NPEPL1: variants seen among roughly 807,000 people sequenced by gnomAD.
The protein encoded by NPEPL1 is aminopeptidase like 1.
NPEPL1 carries 45 observed loss-of-function variants against 52.4 expected under a neutral mutation model. The observed-to-expected ratio is 0.86, with a 90% CI of 0.68 to 1.10. The LOEUF is 1.10. Among genes scored for constraint, NPEPL1 ranks in the 50% least tolerant of loss-of-function variants. The pLI is 0.00. For synonymous variants in NPEPL1, 360 were observed against 314.7 expected (o/e 1.14, Z -1.52); for missense variants, 696 against 710.9 (o/e 0.98, Z 0.24).
chr20:58,713,420 G>C lies in NPEPL1; in HGVS notation c.1002G>C (p.Lys334Asn), dbSNP rs1233128737. 1 of 1,604,670 alleles carries C rather than the reference G, an allele frequency of 6.2e-7. No individual in the cohort carries two copies. The highest frequency in any genetic ancestry group is 1.7e-5 in the Admixed American group (1 of 58,914). ...AGCGGGGATCTCTACCATGCCCCAG[G>C]ACGGTGGAAATCAACAACACGGATG... ...PDDIHLLYSG[K>N]TVEINNTDAE... The change falls in exon 9 of 12, where the codon AAG becomes AAC. Residue 334 changes from lysine to asparagine, a missense_variant and splice_region_variant. Coordinates refer to ENST00000356091, the MANE Select transcript of NPEPL1 (RefSeq NM_024663.4). This position sits in a 1 kb window ranked among gnomAD's most constrained non-coding sequence, Gnocchi z 4.6.
chr20:58,699,106 C>T (rs2084556897), intron 4 of NPEPL1, 91 bp from the exon 5 acceptor site: 16 of 1,226,318 alleles, frequency 1.3e-5, no homozygotes, highest in South Asian at 2.6e-5. Flanking sequence ...GCACAGGCAG[C>T]GGTTCATCCC....
At chr20:58,702,735 T>TATC (rs967514291) in intron 6 of NPEPL1, among the ~76,000 whole-genome samples, 44 of 152,362 alleles carry the variant, frequency 2.9e-4, no homozygotes, top group African/African-American at 8.9e-4. Flanking sequence ...CCAAGAATAC[T>TATC]ATCTGTTAAC....
At chr20:58,693,710 G>T in intron 1 of NPEPL1, 27 bp from the exon 2 acceptor site, 1 of 1,581,300 alleles carries the variant, frequency 6.3e-7, no homozygotes, top group Non-Finnish European at 8.6e-7. Context: ...TGAAGCCTCT[G>T]TGTCTTGTCT....
chr20:58,701,040 C>T lies in NPEPL1; in HGVS notation c.704C>T (p.Ala235Val), dbSNP rs1210692706. The change falls in exon 6 of 12, where the codon GCC (alanine) becomes GTC (valine). Residue 235 changes from alanine to valine, a missense_variant. Coordinates refer to ENST00000356091, the MANE Select transcript of NPEPL1 (RefSeq NM_024663.4). Reference sequence around the variant, plus strand: ...GGAATCTATGGGGTTGGCAAAGCCGCCCTGCATCCCCCAGCCCTGGCCGTC... The same window carrying T: ...GGAATCTATGGGGTTGGCAAAGCCGTCCTGCATCCCCCAGCCCTGGCCGTC... ...FGGIYGVGKA[A>V]LHPPALAVLS... 6.3e-7 allele frequency: 1 copy of T among 1,593,636 alleles called. No individual in the cohort carries two copies. The highest frequency in any genetic ancestry group is 1.7e-5 in the Admixed American group (1 of 57,756).
chr20:58,693,694 G>A (rs759441154), intron 1 of NPEPL1, 43 bp from the exon 2 acceptor site: 3 of 1,546,594 alleles, frequency 1.9e-6, no homozygotes, highest in South Asian at 2.4e-5. Context: ...GCACGTGGCC[G>A]CTGTTTGAAG....
rs763655132 is a variant in NPEPL1 at position 58,699,288 on chromosome 20, G to A, written c.679+10G>A. 29 of 1,598,968 alleles carry A rather than the reference G, an allele frequency of 1.8e-5. No homozygotes were observed. Among genetic ancestry groups the A allele is most frequent in the Admixed American group, 3.4e-5 (2 of 58,256 alleles). ...ACGAGAGGATTTGGAGGTGGGTGGG[G>A]GCTGCATCCCTGCAGCTCTTGGCCT... is the stretch of plus-strand genomic sequence containing the variant. On this transcript the variant is annotated intron_variant, in intron 5 of 11. Coordinates refer to ENST00000356091, the MANE Select transcript of NPEPL1 (RefSeq NM_024663.4).
chr20:58,699,373 C>G (rs916663140), intron 5 of NPEPL1, 95 bp downstream of exon 5: 2 of 908,716 alleles, frequency 2.2e-6, no homozygotes, highest in African/African-American at 3.3e-5. Flanking sequence ...GGCACATTGT[C>G]CCAAACTTCA....
rs1259804167 is a variant in NPEPL1, at chr20:58,713,938, C to A, written c.1147C>A (p.His383Asn). Residue 383 changes from histidine (H) to asparagine (N), a missense_variant, in exon 10 of 12, where the codon CAC (histidine) becomes AAC (asparagine). Transcript: ENST00000356091. The surrounding 1 kb of genome is among the most constrained non-coding windows in gnomAD (Gnocchi z 4.6). ...CCAGGGCATTGCCACAGGGAAGTAC[C>A]ACGCCGCGGTGCTCACCAACAGCGC... ...GAQGIATGKYHAAVLTNSAEW... is the reference protein window; with the variant it reads ...GAQGIATGKYNAAVLTNSAEW... The A allele has an allele frequency of 6.7e-7, 1 of 1,495,468 alleles. No homozygotes were observed. Among genetic ancestry groups the A allele is most frequent in the Admixed American group, 2.6e-5 (1 of 37,818 alleles). The allele number at this position is 1,495,468 out of a possible 1,614,324, so 92.6% of individuals were successfully genotyped here.
intron 3 of NPEPL1, 132 bp from the exon 4 acceptor site, chr20:58,698,552 C>G: frequency 1.3e-6 from 1 of 764,440 alleles, no homozygotes; most frequent in South Asian, 1.5e-5. Context: ...TCCCCCTCTC[C>G]CCTCTCTTTG....
intron 7 of NPEPL1, among the ~76,000 whole-genome samples, chr20:58,710,244 A>G (rs2123140949): frequency 6.6e-6 from 1 of 152,122 alleles, no homozygotes; most frequent in East Asian, 1.9e-4. Context: ...CTTGTTGGCC[A>G]GGCTGGTCTT....
At position 58,707,201 on chromosome 20, in the gene NPEPL1, G is replaced by C. The variant is rs367627505; in HGVS notation, c.900+1G>C. 14 of 1,549,488 alleles carry C rather than the reference G, an allele frequency of 9.0e-6. No individual in the cohort carries two copies. The African/African-American group carries it at 1.9e-4, about 21-fold the overall frequency. ...GGCCTTCAGAGCCGCAATCAAGCAG[G>C]TGAGTGGGCCCTGCCCGCCCTCTGC... On this transcript the variant is annotated splice_donor_variant, in intron 7 of 11. Coordinates refer to ENST00000356091, the MANE Select transcript of NPEPL1 (RefSeq NM_024663.4). LOFTEE classifies it high-confidence loss of function.
chr20:58,707,405 G>A lies in NPEPL1; in HGVS notation c.900+205G>A, dbSNP rs2084759171. Among the ~76,000 whole-genome samples, 3 of 152,368 alleles carry A rather than the reference G, an allele frequency of 2.0e-5. No individual in the cohort carries two copies. The South Asian group carries it at 6.2e-4, about 32-fold the overall frequency. ...TCAGAGCTGCTCTGGGAGGCCCCGAGGGCAAGGTGCAGCCATGTTCTCTGC... is the reference window on the plus strand; with the variant it reads ...TCAGAGCTGCTCTGGGAGGCCCCGAAGGCAAGGTGCAGCCATGTTCTCTGC... On this transcript the variant is annotated intron_variant, in intron 7 of 11. Coordinates refer to ENST00000356091, the MANE Select transcript of NPEPL1 (RefSeq NM_024663.4).
At chr20:58,708,056 C>A (rs1342179882) in intron 7 of NPEPL1, among the ~76,000 whole-genome samples, 2 of 145,312 alleles carry the variant, frequency 1.4e-5, no homozygotes, top group East Asian at 1.9e-4. Flanking sequence ...TGCACTGCAG[C>A]CTGGGAGATA....
Position 58,692,869 on chromosome 20 carries a change from C to T in NPEPL1, c.-32C>T, listed in dbSNP as rs1463352017. 4.0e-6 allele frequency: 4 copies of T among 1,008,168 alleles called. No individual in the cohort carries two copies. The highest frequency in any genetic ancestry group is 4.3e-5 in the South Asian group (1 of 23,276). The allele number at this position is 1,008,168 out of a possible 1,614,324, so 62.5% of individuals were successfully genotyped here. ...GGCCGAGCGGCGGGCCGGGCCGGGCCGGGCAGGGCCGGGGCGTGGGCCGGC... is the reference window on the plus strand; with the variant it reads ...GGCCGAGCGGCGGGCCGGGCCGGGCTGGGCAGGGCCGGGGCGTGGGCCGGC... On this transcript the variant is annotated 5_prime_UTR_variant, in exon 1 of 12. Coordinates refer to ENST00000356091, the MANE Select transcript of NPEPL1 (RefSeq NM_024663.4). The surrounding 1 kb of genome is among the most constrained non-coding windows in gnomAD (Gnocchi z 5.7).
rs766042304 is a variant in NPEPL1 at position 58,715,359 on chromosome 20, T to C, written c.*33T>C. 3 of 1,572,572 alleles carry C rather than the reference T, an allele frequency of 1.9e-6. No individual in the cohort carries two copies. The highest frequency in any genetic ancestry group is 1.9e-5 in the Admixed American group (1 of 52,972). On this transcript the variant is annotated 3_prime_UTR_variant, in exon 12 of 12. Coordinates refer to ENST00000356091, the MANE Select transcript of NPEPL1 (RefSeq NM_024663.4). ...GCCTCGGCCCTGACAAACGGGGATC[T>C]TTTACCTCACTTTGCACTGATTAAT...
chr20:58,692,155 A>T (rs1273293830), upstream of NPEPL1: 1 of 383,468 alleles, frequency 2.6e-6, no homozygotes, highest in African/African-American at 2.0e-5. This position sits in a 1 kb window ranked among gnomAD's most constrained non-coding sequence, Gnocchi z 5.7. Context: ...CAGTGCCTGG[A>T]TTTGTAACTG....
chr20:58,714,797 G>A (rs377310669), intron 11 of NPEPL1, 127 bp downstream of exon 11: 425 of 750,524 alleles, frequency 5.7e-4, no homozygotes, highest in African/African-American at 5.5e-3. Context: ...CTTCCAGCCC[G>A]CTGTCCCCAC....
intron 6 of NPEPL1, 74 bp from the exon 7 acceptor site, chr20:58,707,049 G>A: frequency 6.9e-7 from 1 of 1,445,842 alleles, no homozygotes; most frequent in Middle Eastern, 1.9e-4. Context: ...GGCCGGGTGG[G>A]GGTGGGGGGC....
chr20:58,714,501 G>C, intron 10 of NPEPL1, 59 bp from the exon 11 acceptor site: 2 of 1,259,972 alleles, frequency 1.6e-6, no homozygotes, highest in Non-Finnish European at 1.1e-6. Context: ...CGATGGGGCA[G>C]GGTGGAGAGG....
Sources: gnomAD v4.1 joint callset for allele counts (sites outside exome capture counted in the v4.1 genomes callset) on GRCh38, gnomAD v4.1.1 for gene constraint, Gnocchi (gnomAD v3.1) non-coding constraint, MANE v1.5 for transcripts, NCBI Gene and HGNC (gene_info 2026-07-23, HGNC 2026-07-21) for gene names.